Variants in TRIM29 observed in about 807,000 individuals in gnomAD.
TRIM29 encodes tripartite motif containing 29, also known as tripartite motif-containing protein 29.
TRIM29 carries 52 observed loss-of-function variants against 57.3 expected under a neutral mutation model. The ratio of observed to expected loss-of-function variants is 0.91; its 90% CI spans 0.73 to 1.14. The LOEUF (loss-of-function observed/expected upper bound fraction) is 1.14. Among genes scored for constraint, TRIM29 ranks in the 50% most tolerant of loss-of-function variants. TRIM29 has a pLI of 0.00. For synonymous variants in TRIM29, 319 were observed against 316.9 expected, an observed-to-expected ratio of 1.01 and a Z score of -0.07; for missense variants, 753 against 774.6, an observed-to-expected ratio of 0.97 and a Z score of 0.33.
chr11:120,133,357 C>T (rs571059246), intron 1 of TRIM29, among the ~76,000 whole-genome samples: 11 of 152,314 alleles, frequency 7.2e-5, no homozygotes, highest in Non-Finnish European at 1.0e-4. Flanking sequence ...AGTCTCTTGA[C>T]GACTTTGACC....
rs779510472 is a variant in TRIM29, at chr11:120,122,991, G to A, written c.1398C>T (p.Asp466=). The change falls in exon 5 of 9, where the codon GAC becomes GAT. Residue 466 remains aspartate, a synonymous_variant. Transcript: ENST00000341846. ...NSFGGEWSAP[D]TMKRYSMYLT... ...GGTACATGGAGTATCTCTTCATGGTGTCCGGTGCACTCCACTCACCCCCGA... is the reference window on the plus strand; with the variant it reads ...GGTACATGGAGTATCTCTTCATGGTATCCGGTGCACTCCACTCACCCCCGA... 3.7e-6 allele frequency: 6 copies of A among 1,613,966 alleles called. No individual in the cohort carries two copies. In the African/African-American group the frequency reaches 5.3e-5, roughly 14 times the overall value.
At chr11:120,132,644 T>G (rs1863742655) in intron 1 of TRIM29, among the ~76,000 whole-genome samples, 1 of 152,214 alleles carries the variant, frequency 6.6e-6, no homozygotes, top group Non-Finnish European at 1.5e-5. Context: ...GTACCTGCAC[T>G]GGCTCCAGGG....
chr11:120,123,511 C>T (rs1016146402), intron 4 of TRIM29: 13 of 452,396 alleles, frequency 2.9e-5, no homozygotes, highest in African/African-American at 2.2e-4. Context: ...CTTCCGGGTT[C>T]AGTCCCAGCC....
intron 1 of TRIM29, among the ~76,000 whole-genome samples, chr11:120,136,917 A>T (rs916075423): frequency 2.0e-5 from 3 of 152,020 alleles, no homozygotes; most frequent in African/African-American, 7.2e-5. Context: ...GTTGGGTCAT[A>T]CTCTCTAACC....
At chr11:120,122,717 C>T (rs1385420566) in intron 5 of TRIM29, among the ~76,000 whole-genome samples, 1 of 152,162 alleles carries the variant, frequency 6.6e-6, no homozygotes, top group Non-Finnish European at 1.5e-5. Flanking sequence ...GGAGGAATGC[C>T]TCTGAGGAGC....
In TRIM29 at chr11:120,125,814, C is replaced by T; in HGVS notation, c.1210G>A (p.Gly404Ser). Reference protein sequence around the residue: ...PTYHVLLEGEGLGQSLGNFKD... With the variant: ...PTYHVLLEGESLGQSLGNFKD... ...AAGTTGCCTAGTGACTGTCCCAGGCCCTCCCCCTCCAGCAGGACATGATAG... is the reference window on the plus strand; with the variant it reads ...AAGTTGCCTAGTGACTGTCCCAGGCTCTCCCCCTCCAGCAGGACATGATAG... Residue 404 changes from glycine to serine, a missense_variant, in exon 4 of 9, where the codon GGC becomes AGC. Gly to Ser is a moderately conservative substitution (Grantham distance 56). Coordinates refer to ENST00000341846, the MANE Select transcript of TRIM29 (RefSeq NM_012101.4). 1 of 1,614,046 alleles carries T rather than the reference C, an allele frequency of 6.2e-7. No homozygotes were observed. Among genetic ancestry groups the T allele is most frequent in the South Asian group, 1.1e-5 (1 of 91,060 alleles).
intron 6 of TRIM29, chr11:120,118,695 T>C: frequency 1.0e-5 from 2 of 196,434 alleles, no homozygotes; most frequent in Non-Finnish European, 2.0e-5. Flanking sequence ...AGGCTAAGCC[T>C]CAGTGTCTGA....
chr11:120,137,684 C>A lies in TRIM29; in HGVS notation c.348G>T (p.Lys116Asn). 6.2e-7 allele frequency: 1 copy of A among 1,613,572 alleles called. No homozygotes were observed. ...CCTTTTCGGCAAAGGTAACGGGTGG[C>A]TTCTTGGCAGCCCCCAGCTGGAGCC... ...YAGLQLGAAK[K>N]PPVTFAEKGE... is the part of the protein sequence containing the mutation. Residue 116 changes from lysine to asparagine, a missense_variant, in exon 1 of 9, where the codon AAG (lysine) becomes AAT (asparagine). Physicochemically the swap from Lys to Asn is moderately conservative, Grantham distance 94. Coordinates refer to ENST00000341846, the MANE Select transcript of TRIM29 (RefSeq NM_012101.4). The surrounding 1 kb of genome is among the most constrained non-coding windows in gnomAD (Gnocchi z 6.2).
At chr11:120,129,060 T>C (rs1863664853) in intron 1 of TRIM29, 2 of 522,946 alleles carry the variant, frequency 3.8e-6, no homozygotes, top group Admixed American at 4.0e-5. Flanking sequence ...TCTGCAGTTT[T>C]GGCAAGACGG....
In TRIM29 at chr11:120,112,396, G is replaced by T. The variant is rs755185348; in HGVS notation, c.*18C>A. 1.2e-6 allele frequency: 2 copies of T among 1,613,240 alleles called. No individual in the cohort carries two copies. The highest frequency in any genetic ancestry group is 4.5e-5 in the East Asian group (2 of 44,774). ...AGGAAGAGCAGGGGTGTGGCGCCTC[G>T]TTCCTTCCGCCAGGAGCTCATGGGG... On this transcript the variant is annotated 3_prime_UTR_variant, in exon 9 of 9. Transcript: ENST00000341846.
intron 7 of TRIM29, 126 bp from the exon 8 acceptor site, chr11:120,115,540 A>G (rs1863245833): frequency 1.6e-5 from 13 of 823,758 alleles, no homozygotes; most frequent in Non-Finnish European, 2.5e-5. Flanking sequence ...TACCAAATGC[A>G]GCCGTCTGAA....
In TRIM29 at chr11:120,137,996, C is replaced by T. The variant is rs779527495; in HGVS notation, c.36G>A (p.Ser12=). 3 of 1,602,186 alleles carry T rather than the reference C, an allele frequency of 1.9e-6. No individual in the cohort carries two copies. Among genetic ancestry groups the T allele is most frequent in the East Asian group, 2.2e-5 (1 of 44,860 alleles). The change falls in exon 1 of 9, where the codon TCG becomes TCA. Residue 12 remains serine, a synonymous_variant. Transcript: ENST00000341846. The surrounding 1 kb of genome is among the most constrained non-coding windows in gnomAD (Gnocchi z 6.2). ...EAADASRSNG[S]SPEARDARSP... ...TCCGGGCATCCCTGGCTTCTGGGCT[C>T]GACCCGTTGCTCCTGGAGGCATCTG...
In TRIM29 at chr11:120,115,380, C is replaced by T; in HGVS notation, c.1662G>A (p.Lys554=). 1 of 1,613,938 alleles carries T rather than the reference C, an allele frequency of 6.2e-7. No homozygotes were observed. The highest frequency in any genetic ancestry group is 8.5e-7 in the Non-Finnish European group (1 of 1,179,962). ...CAGATTTCCAAGTCTGGGGCTGGGCCTTGGGGCTTTGGCTCCGCATGAGGG... is the reference window on the plus strand; with the variant it reads ...CAGATTTCCAAGTCTGGGGCTGGGCTTTGGGGCTTTGGCTCCGCATGAGGG... ...YPSLMRSQSP[K]AQPQTWKSGK... is the part of the protein sequence containing the mutation. Residue 554 remains lysine (K), a synonymous_variant, in exon 8 of 9, where the codon AAG becomes AAA. Coordinates refer to ENST00000341846, the MANE Select transcript of TRIM29 (RefSeq NM_012101.4).
intron 1 of TRIM29, among the ~76,000 whole-genome samples, chr11:120,133,984 G>A (rs1053223718): frequency 6.6e-5 from 10 of 152,094 alleles, no homozygotes; most frequent in African/African-American, 2.4e-4. Flanking sequence ...CACCCAGGAG[G>A]TCTTAACATC....
In TRIM29 at chr11:120,127,368, G is replaced by C. The variant is rs773778853; in HGVS notation, c.1102C>G (p.His368Asp). ...HEDKQTREQL[H>D]SISDSVLFLQ... ...AACAACACAGAGTCGCTGATGCTAT[G>C]CAGCTGCTCCCGGGTCTGCTTGTCC... is the stretch of plus-strand genomic sequence containing the variant. Residue 368 changes from histidine to aspartate, a missense_variant, in exon 3 of 9, where the codon CAT becomes GAT. Transcript: ENST00000341846. 2.5e-6 allele frequency: 4 copies of C among 1,611,422 alleles called. No homozygotes were observed. In the East Asian group the frequency reaches 6.7e-5, roughly 27 times the overall value.
At chr11:120,125,590 GAGA>G (rs1167315633) in intron 4 of TRIM29, 98 bp downstream of exon 4, 1 of 1,301,798 alleles carries the variant, frequency 7.7e-7, no homozygotes, top group African/African-American at 1.5e-5. Context: ...TGGGAACAAT[GAGA>G]AGAAGCTCAC....
At position 120,120,830 on chromosome 11, in the gene TRIM29, G is replaced by T. The variant is rs758582430; in HGVS notation, c.1436-165C>A. On this transcript the variant is annotated intron_variant, in intron 5 of 8. Coordinates refer to ENST00000341846, the MANE Select transcript of TRIM29 (RefSeq NM_012101.4). ...ATCAACTAATTTATCACCCAAATTG[G>T]CATGCTTTTGAGAGTAGAAGGACTC... is the stretch of plus-strand genomic sequence containing the variant. 4 of 704,964 alleles carry T rather than the reference G, an allele frequency of 5.7e-6. No homozygotes were observed. In the African/African-American group the frequency reaches 7.0e-5, roughly 12 times the overall value. 43.7% of individuals were successfully genotyped at this position (704,964 alleles called of 1,614,324 possible). A position where few individuals can be genotyped will look rare whatever the true frequency, so the allele number is the denominator to read the frequency against.
In TRIM29 at chr11:120,112,488, A is replaced by T. The variant is rs1050384945; in HGVS notation, c.1705-12T>A. On this transcript the variant is annotated splice_polypyrimidine_tract_variant and intron_variant, in intron 8 of 8. Coordinates refer to ENST00000341846, the MANE Select transcript of TRIM29 (RefSeq NM_012101.4). ...GGCCGGTAGTGAGACTGTGGGGGAA[A>T]CAAGAGTGGTCAGCGAGGCCAGACG... 16 of 1,613,536 alleles carry T rather than the reference A, an allele frequency of 9.9e-6. No homozygotes were observed. Among genetic ancestry groups the T allele is most frequent in the Non-Finnish European group, 1.3e-5 (15 of 1,179,728 alleles).
intron 4 of TRIM29, chr11:120,124,546 G>A (rs902533676): frequency 2.4e-4 from 37 of 152,184 alleles, no homozygotes; most frequent in African/African-American, 8.9e-4. Context: ...ACACCCCACA[G>A]GGAAAATAAG....
Sources: allele counts gnomAD v4.1 joint callset (sites outside exome capture counted in the v4.1 genomes callset), GRCh38; gene constraint gnomAD v4.1.1; non-coding constraint Gnocchi (gnomAD v3.1); transcripts MANE v1.5; gene names NCBI Gene and HGNC (gene_info 2026-07-23, HGNC 2026-07-21).